Variants in STPG4 observed in about 807,000 individuals in gnomAD.
STPG4 encodes sperm-tail PG-rich repeat containing 4, also known as protein STPG4.
STPG4 carries 41 observed loss-of-function variants against 31.5 expected under a neutral mutation model. The observed-to-expected ratio is 1.30, with a 90% CI of 1.01 to 1.69. STPG4 has a LOEUF of 1.69. STPG4 is among the 40% of genes most tolerant of loss of function. The probability of loss-of-function intolerance (pLI) is 0.00; values close to 1 mark genes in which losing one functional copy is unlikely to be tolerated. For missense variants in STPG4, 375 were observed against 293.4 expected, an observed-to-expected ratio of 1.28 and a Z score of -2.03; for synonymous variants, 141 against 103.0, an observed-to-expected ratio of 1.37 and a Z score of -2.24.
At chr2:47,133,568 A>ATTTTTTT (rs1347133934) in intron 3 of STPG4, among the ~76,000 whole-genome samples, 4 of 36,322 alleles carry the variant, frequency 1.1e-4, no homozygotes, top group South Asian at 1.4e-3. Context: ...AGGCACTCAA[A>ATTTTTTT]TCTTTTTTTT....
chr2:47,133,246 C>T (rs557492520), intron 3 of STPG4, among the ~76,000 whole-genome samples: 2 of 151,926 alleles, frequency 1.3e-5, no homozygotes, highest in Admixed American at 6.6e-5. Flanking sequence ...TAGCTCACTG[C>T]GCTTCAACCT....
chr2:47,128,158 C>T (rs1379438901), intron 5 of STPG4, among the ~76,000 whole-genome samples: 1 of 152,200 alleles, frequency 6.6e-6, no homozygotes, highest in Admixed American at 6.5e-5. Flanking sequence ...GATTACCAGG[C>T]AGAGACTCTG....
At position 47,109,727 on chromosome 2, in the gene STPG4, TTA is replaced by T. The variant is rs551105539; in HGVS notation, c.520-19355_520-19354del. Among the ~76,000 whole-genome samples the T allele has an allele frequency of 1.0e-3, 154 of 152,354 alleles. 1 individual carries two copies. The highest frequency in any genetic ancestry group is 1.3e-3 in the Non-Finnish European group (86 of 68,036). ...TTCAAGCAGAAATCAATTTTCTGGT[TTA>T]CTCAGCCAGACTGTGTTTATTAATT... On this transcript the variant is annotated intron_variant, in intron 5 of 6. Transcript: ENST00000445927.
intron 3 of STPG4, among the ~76,000 whole-genome samples, chr2:47,140,523 G>T (rs1023670025): frequency 1.3e-5 from 2 of 152,158 alleles, no homozygotes; most frequent in South Asian, 2.1e-4. Flanking sequence ...CCCAGCCATG[G>T]TTCCTGCAGA....
At chr2:47,149,798 C>G (rs1686900553) in intron 3 of STPG4, among the ~76,000 whole-genome samples, 2 of 152,120 alleles carry the variant, frequency 1.3e-5, no homozygotes. Flanking sequence ...GACAAGTACC[C>G]AAAGTCCCAA....
chr2:47,136,113 G>A (rs1268603184), intron 3 of STPG4, among the ~76,000 whole-genome samples: 1 of 152,064 alleles, frequency 6.6e-6, no homozygotes, highest in African/African-American at 2.4e-5. Flanking sequence ...CTATCCACGG[G>A]AAATCTCTTC....
At chr2:47,144,876 G>A (rs1014845322) in intron 3 of STPG4, among the ~76,000 whole-genome samples, 1 of 152,138 alleles carries the variant, frequency 6.6e-6, no homozygotes, top group Non-Finnish European at 1.5e-5. Context: ...GACTACAGGT[G>A]CGTGCCACCA....
rs569475075 is a variant in STPG4, at chr2:47,090,228, A to T, written c.624+42T>A. On this transcript the variant is annotated intron_variant, in intron 6 of 6. Transcript: ENST00000445927. ...ACAGAAAACCTACCACCATAACCAT[A>T]CCCCTAGGGGTGGGGGGCGATCTGT... 26 of 1,371,924 alleles carry T rather than the reference A, an allele frequency of 1.9e-5. No individual in the cohort carries two copies. The South Asian group carries it at 3.2e-4, about 17-fold the overall frequency. The allele number at this position is 1,371,924 out of a possible 1,614,324, so 85.0% of individuals were successfully genotyped here. A position where few individuals can be genotyped will look rare whatever the true frequency, so the allele number is the denominator to read the frequency against.
At chr2:47,152,580 T>G (rs554057372) in intron 2 of STPG4, among the ~76,000 whole-genome samples, 1 of 152,356 alleles carries the variant, frequency 6.6e-6, no homozygotes, top group African/African-American at 2.4e-5. Context: ...TTGACCATAT[T>G]AAGAACCATT....
chr2:47,153,773 CAG>C (rs1175572963), intron 1 of STPG4, among the ~76,000 whole-genome samples: 1 of 151,776 alleles, frequency 6.6e-6, no homozygotes. Context: ...GAAGCCACCT[CAG>C]GGGGAAAAAA....
intron 5 of STPG4, among the ~76,000 whole-genome samples, chr2:47,109,235 T>A (rs570280612): frequency 6.6e-6 from 1 of 152,112 alleles, no homozygotes; most frequent in Admixed American, 6.5e-5. Flanking sequence ...AGAAGAAAAA[T>A]TGCCAGGATA....
chr2:47,107,740 TC>T, intron 5 of STPG4, among the ~76,000 whole-genome samples: 1 of 152,282 alleles, frequency 6.6e-6, no homozygotes, highest in Middle Eastern at 3.4e-3. Flanking sequence ...CCAGCTGGGC[TC>T]CTGAGTCTGG....
chr2:47,138,391 A>G (rs897925964), intron 3 of STPG4, among the ~76,000 whole-genome samples: 4 of 150,204 alleles, frequency 2.7e-5, no homozygotes, highest in African/African-American at 9.8e-5. Flanking sequence ...AAATTTGTTA[A>G]GGTTTTTTTT....
intron 5 of STPG4, among the ~76,000 whole-genome samples, chr2:47,127,328 G>A (rs1383728792): frequency 1.5e-5 from 2 of 131,066 alleles, no homozygotes; most frequent in African/African-American, 6.0e-5. Flanking sequence ...GAGCGCAGCA[G>A]CACAATCTTG....
chr2:47,098,025 T>C (rs1685710270), intron 5 of STPG4, among the ~76,000 whole-genome samples: 1 of 152,134 alleles, frequency 6.6e-6, no homozygotes, highest in East Asian at 1.9e-4. Context: ...TTTTTGCTTT[T>C]CACGTGTGTA....
intron 5 of STPG4, among the ~76,000 whole-genome samples, chr2:47,096,217 TCA>T (rs1372019006): frequency 6.6e-6 from 1 of 152,136 alleles, no homozygotes; most frequent in African/African-American, 2.4e-5. Flanking sequence ...AATCAATCAA[TCA>T]CAGTGTGGGG....
At chr2:47,095,871 A>G (rs1391759338) in intron 5 of STPG4, among the ~76,000 whole-genome samples, 1 of 152,116 alleles carries the variant, frequency 6.6e-6, no homozygotes, top group African/African-American at 2.4e-5. Context: ...GGAAGCCTTC[A>G]GGAGAGGGCA....
intron 6 of STPG4, among the ~76,000 whole-genome samples, chr2:47,087,644 G>A (rs1405868775): frequency 3.3e-5 from 5 of 152,116 alleles, no homozygotes; most frequent in Non-Finnish European, 5.9e-5. Flanking sequence ...TCTCAACCAG[G>A]GTCCATGGAC....
chr2:47,130,330 G>A lies in STPG4; in HGVS notation c.400-70C>T, dbSNP rs115349466. 742 of 1,216,610 alleles carry A rather than the reference G, an allele frequency of 6.1e-4. No homozygotes were observed. The African/African-American group carries it at 7.4e-3, about 12-fold the overall frequency. 75.4% of individuals were successfully genotyped at this position (1,216,610 alleles called of 1,614,324 possible). ...AAACTCACTTCGTTATCTGTCATTC[G>A]TAATCTTTTATTTTATGACCATACA... On this transcript the variant is annotated intron_variant, in intron 3 of 6. Transcript: ENST00000445927.
Sources: gnomAD v4.1 joint callset for allele counts (sites outside exome capture counted in the v4.1 genomes callset) on GRCh38, gnomAD v4.1.1 for gene constraint, MANE v1.5 for transcripts, NCBI Gene and HGNC (gene_info 2026-07-23, HGNC 2026-07-21) for gene names.